Variants in PRMT3 observed in about 807,000 individuals in gnomAD.
PRMT3 encodes the protein protein arginine methyltransferase 3.
In PRMT3, 62 loss-of-function variants were observed where a neutral mutation model predicts 71.9. The ratio of observed to expected loss-of-function variants is 0.86; its 90% CI spans 0.70 to 1.07. The LOEUF is 1.07. Ranked by LOEUF, PRMT3 falls within the 50% of genes least tolerant of loss-of-function variation. The pLI is 0.00. For synonymous variants in PRMT3, 213 were observed against 220.4 expected (o/e 0.97, Z 0.30); for missense variants, 663 against 643.0 (o/e 1.03, Z -0.34).
In PRMT3 at chr11:20,402,932, CAGAA is replaced by C; in HGVS notation, c.722_725del (p.Glu241AlafsTer17). 2 of 1,608,698 alleles carry C rather than the reference CAGAA, an allele frequency of 1.2e-6. No individual in the cohort carries two copies. The highest frequency in any genetic ancestry group is 3.3e-4 in the Middle Eastern group (2 of 6,052). ...TCTCCACCCTAGGACAAAATACGAA[CAGAA>C]AGCTACCGAGATTTCATATACCAAA... On this transcript the variant is annotated frameshift_variant, in exon 8 of 16. Transcript: ENST00000331079. LOFTEE classifies it high-confidence loss of function.
chr11:20,455,774 G>A (rs1850254868), intron 11 of PRMT3, among the ~76,000 whole-genome samples: 1 of 151,538 alleles, frequency 6.6e-6, no homozygotes, highest in African/African-American at 2.4e-5. Flanking sequence ...AGTGGTATAG[G>A]CCTGACTATA....
chr11:20,387,897 G>C lies in PRMT3; in HGVS notation c.29-122G>C. 6.4e-7 allele frequency: 1 copy of C among 1,552,458 alleles called. No homozygotes were observed. Among genetic ancestry groups the C allele is most frequent in the Non-Finnish European group, 8.7e-7 (1 of 1,147,210 alleles). On this transcript the variant is annotated intron_variant, in intron 1 of 15. Transcript: ENST00000331079. The surrounding 1 kb of genome is among the most constrained non-coding windows in gnomAD (Gnocchi z 4.3). ...GTGGGGGGCTCGCAGGGATCATGAA[G>C]GAGGTGCTGAGTGAGGGCCGCGGGC...
At chr11:20,503,043 A>C (rs138450371) in intron 15 of PRMT3, among the ~76,000 whole-genome samples, 12 of 149,184 alleles carry the variant, frequency 8.0e-5, no homozygotes, top group African/African-American at 2.9e-4. Flanking sequence ...TACTTCTGAT[A>C]ATCCATCCTA....
chr11:20,482,238 A>G (rs979193521), intron 13 of PRMT3, among the ~76,000 whole-genome samples: 2 of 152,142 alleles, frequency 1.3e-5, no homozygotes, highest in African/African-American at 2.4e-5. Context: ...TTTTATCAGC[A>G]TTTTAAAAAA....
intron 9 of PRMT3, among the ~76,000 whole-genome samples, chr11:20,423,409 C>T (rs1485796027): frequency 1.3e-5 from 2 of 152,250 alleles, no homozygotes; most frequent in South Asian, 2.1e-4. Context: ...GGGCCAGCTA[C>T]CTGTTTTTGT....
intron 9 of PRMT3, among the ~76,000 whole-genome samples, chr11:20,410,895 T>C (rs1341755131): frequency 6.6e-6 from 1 of 151,840 alleles, no homozygotes; most frequent in Non-Finnish European, 1.5e-5. Context: ...CACAAAGGAG[T>C]GCTTTTCCAT....
At chr11:20,464,394 A>AT in intron 12 of PRMT3, 66 bp from the exon 13 acceptor site, 11 of 1,492,846 alleles carry the variant, frequency 7.4e-6, no homozygotes, top group Non-Finnish European at 8.0e-6. Context: ...TTTTTGTTTT[A>AT]TTTTTTGTTT....
intron 10 of PRMT3, among the ~76,000 whole-genome samples, chr11:20,441,885 C>T (rs1055877734): frequency 2.0e-5 from 3 of 151,608 alleles, no homozygotes; most frequent in Non-Finnish European, 4.4e-5. Context: ...CTCTGCCCCC[C>T]AGGTTCCAGT....
intron 15 of PRMT3, among the ~76,000 whole-genome samples, chr11:20,497,801 G>A (rs1354321165): frequency 6.6e-6 from 1 of 152,178 alleles, no homozygotes; most frequent in Non-Finnish European, 1.5e-5. Flanking sequence ...GCTTAAGGCT[G>A]TCTAGATCCT....
chr11:20,489,974 A>C (rs1033698288), intron 13 of PRMT3, among the ~76,000 whole-genome samples: 2 of 149,630 alleles, frequency 1.3e-5, no homozygotes, highest in African/African-American at 5.0e-5. Context: ...AAAAGGTAAC[A>C]CCACAAACCC....
intron 9 of PRMT3, among the ~76,000 whole-genome samples, chr11:20,423,436 C>T (rs1849469761): frequency 1.3e-5 from 2 of 152,138 alleles, no homozygotes; most frequent in Non-Finnish European, 1.5e-5. Context: ...AGCTGGAACA[C>T]GGCTGGGCCT....
intron 15 of PRMT3, among the ~76,000 whole-genome samples, chr11:20,501,096 C>T (rs1851447656): frequency 1.3e-5 from 2 of 152,148 alleles, no homozygotes; most frequent in African/African-American, 4.8e-5. Flanking sequence ...GTTTTGACCT[C>T]TTTCACTTGA....
chr11:20,461,891 G>A (rs2133401266), intron 11 of PRMT3, 89 bp from the exon 12 acceptor site: 4 of 1,168,506 alleles, frequency 3.4e-6, no homozygotes, highest in Non-Finnish European at 3.5e-6. Context: ...CTTACTGATG[G>A]ATTTGATATT....
At chr11:20,417,664 A>G (rs984356810) in intron 9 of PRMT3, among the ~76,000 whole-genome samples, 3 of 152,220 alleles carry the variant, frequency 2.0e-5, no homozygotes, top group Non-Finnish European at 2.9e-5. Flanking sequence ...AAGATAAGTC[A>G]TAGCATTACC....
intron 3 of PRMT3, among the ~76,000 whole-genome samples, chr11:20,391,817 G>C (rs905812751): frequency 6.6e-6 from 1 of 152,098 alleles, no homozygotes; most frequent in Admixed American, 6.5e-5. Flanking sequence ...TATACACCAT[G>C]TCCTGGCAAA....
At position 20,508,711 on chromosome 11, in the gene PRMT3, T is replaced by G; in HGVS notation, c.*298T>G. On this transcript the variant is annotated 3_prime_UTR_variant, in exon 16 of 16. Transcript: ENST00000331079. ...ATATTGAAAATCATTTACATTGGCC[T>G]ATATTTGGAAGAGAGATAGTCTTTT... 1 of 425,886 alleles carries G rather than the reference T, an allele frequency of 2.3e-6. No individual in the cohort carries two copies. The highest frequency in any genetic ancestry group is 5.5e-5 in the East Asian group (1 of 18,348). The allele number at this position is 425,886 out of a possible 1,614,324, so 26.4% of individuals were successfully genotyped here.
intron 15 of PRMT3, among the ~76,000 whole-genome samples, chr11:20,497,460 A>G (rs1251482504): frequency 6.6e-6 from 1 of 151,996 alleles, no homozygotes; most frequent in Non-Finnish European, 1.5e-5. Context: ...AGGAAATTTT[A>G]CAGTTGGAAA....
intron 15 of PRMT3, among the ~76,000 whole-genome samples, chr11:20,497,804 TAGATCCTCCTTAA>T: frequency 6.6e-6 from 1 of 152,308 alleles, no homozygotes; most frequent in South Asian, 2.1e-4. Context: ...TAAGGCTGTC[TAGATCCTCCTTAA>T]CAAATCTTAA....
At position 20,397,567 on chromosome 11, in the gene PRMT3, T is replaced by C; in HGVS notation, c.561-10T>C. The C allele has an allele frequency of 1.2e-6, 2 of 1,613,848 alleles. No individual in the cohort carries two copies. The highest frequency in any genetic ancestry group is 1.7e-6 in the Non-Finnish European group (2 of 1,179,854). On this transcript the variant is annotated splice_polypyrimidine_tract_variant and intron_variant, in intron 6 of 15. Transcript: ENST00000331079. The stretch of plus-strand genomic sequence containing the variant: ...ACCTGTCTCAAGGGTGTATTTCAAA[T>C]TGATTACAGACAATTTGCTCAGGAT...
Sources: allele counts gnomAD v4.1 joint callset (sites outside exome capture counted in the v4.1 genomes callset), GRCh38; gene constraint gnomAD v4.1.1; non-coding constraint Gnocchi (gnomAD v3.1); transcripts MANE v1.5; gene names NCBI Gene and HGNC (gene_info 2026-07-23, HGNC 2026-07-21).